The following SLC35F4 variants were observed in gnomAD, a reference collection of about 807,000 sequenced individuals.
The protein encoded by SLC35F4 is chromosome 14 open reading frame 36.
Under a neutral mutation model 44.2 loss-of-function variants are expected in SLC35F4, and 24 were observed. The observed-to-expected ratio is 0.54, with a 90% CI of 0.39 to 0.76. The LOEUF is 0.76. Among genes scored for constraint, SLC35F4 ranks in the 30% least tolerant of loss-of-function variants. SLC35F4 has a pLI of 0.00. For missense variants in SLC35F4, 562 were observed against 586.1 expected (o/e 0.96, Z 0.42); for synonymous variants, 238 against 223.6 (o/e 1.06, Z -0.57).
intron 1 of SLC35F4, among the ~76,000 whole-genome samples, chr14:57,786,473 G>T (rs1020054613): frequency 4.6e-5 from 7 of 152,116 alleles, no homozygotes; most frequent in Non-Finnish European, 7.3e-5. Context: ...CACAAAAACC[G>T]AGCATTAAAC....
chr14:57,901,689 A>G (rs953171472), intron 1 of SLC35F4, among the ~76,000 whole-genome samples: 1 of 152,190 alleles, frequency 6.6e-6, no homozygotes, highest in Non-Finnish European at 1.5e-5. Context: ...GAAGAAAAAT[A>G]AATAAAATGT....
At chr14:57,948,784 T>C (rs1890082903) in intron 1 of SLC35F4, among the ~76,000 whole-genome samples, 2 of 152,320 alleles carry the variant, frequency 1.3e-5, no homozygotes, top group South Asian at 2.1e-4. Context: ...GTTGATTTCA[T>C]TGTTGACCCA....
rs562193275 is a variant in SLC35F4, at chr14:57,831,376, C to A, written c.103+34347G>T. ...TGAGAAATAAATGTCAATGTTTAAG[C>A]CACAGAATCTTTGGTATTTTGTGAT... is the stretch of plus-strand genomic sequence containing the variant. On this transcript the variant is annotated intron_variant, in intron 1 of 7. Transcript: ENST00000556826. Among the ~76,000 whole-genome samples the A allele has an allele frequency of 1.4e-4, 21 of 150,214 alleles. No individual in the cohort carries two copies. In the South Asian group the frequency reaches 3.5e-3, roughly 25 times the overall value.
chr14:57,877,825 C>T (rs1041373168), intron 1 of SLC35F4, among the ~76,000 whole-genome samples: 7 of 151,734 alleles, frequency 4.6e-5, no homozygotes, highest in Admixed American at 4.6e-4. Context: ...GATGGGATTA[C>T]AGGCTTATGC....
intron 6 of SLC35F4, among the ~76,000 whole-genome samples, chr14:57,569,115 G>T (rs750502628): frequency 2.6e-5 from 4 of 152,030 alleles, no homozygotes; most frequent in Non-Finnish European, 4.4e-5. Context: ...CATTAACTAG[G>T]TACTGTCTAC....
chr14:57,564,951 A>G (rs145944650), intron 7 of SLC35F4, among the ~76,000 whole-genome samples: 227 of 152,144 alleles, frequency 1.5e-3, no homozygotes, highest in African/African-American at 5.2e-3. Flanking sequence ...TTTTCCCCCT[A>G]TAGATTTGCC....
At chr14:57,780,188 T>G (rs963460867) in intron 1 of SLC35F4, among the ~76,000 whole-genome samples, 1 of 152,114 alleles carries the variant, frequency 6.6e-6, no homozygotes, top group Non-Finnish European at 1.5e-5. Context: ...GAAAACCCCA[T>G]AGTCTTGGCC....
chr14:57,887,484 C>T (rs1888674116), intron 1 of SLC35F4, among the ~76,000 whole-genome samples: 1 of 152,174 alleles, frequency 6.6e-6, no homozygotes, highest in African/African-American at 2.4e-5. Flanking sequence ...GTGCTGTCTG[C>T]TAAGACTAAA....
chr14:57,573,823 C>T (rs565156752), intron 4 of SLC35F4, among the ~76,000 whole-genome samples: 86 of 152,256 alleles, frequency 5.6e-4, no homozygotes, highest in African/African-American at 1.9e-3. Flanking sequence ...ACTGAACTGA[C>T]GGGATAATAC....
In SLC35F4 at chr14:57,817,872, A is replaced by G. The variant is rs575290015; in HGVS notation, c.103+47851T>C. On this transcript the variant is annotated intron_variant, in intron 1 of 7. Coordinates refer to ENST00000556826, the MANE Select transcript of SLC35F4 (RefSeq NM_001306087.2). ...GCCTCTGAGAGGTGAGACTGTTAGA[A>G]AGGATTTAAGTGCTGCTGGAGAACT... Among the ~76,000 whole-genome samples, 6 of 152,230 alleles carry G rather than the reference A, an allele frequency of 3.9e-5. No individual in the cohort carries two copies. In the South Asian group the frequency reaches 1.0e-3, roughly 26 times the overall value.
chr14:57,594,846 A>T (rs1233106578), intron 1 of SLC35F4, among the ~76,000 whole-genome samples: 1 of 152,216 alleles, frequency 6.6e-6, no homozygotes, highest in Non-Finnish European at 1.5e-5. Context: ...GATGAAAATC[A>T]TCCACCAGCC....
At chr14:57,753,873 GAGGTATCTGTACC>G (rs2076939091) in intron 1 of SLC35F4, among the ~76,000 whole-genome samples, 1 of 152,032 alleles carries the variant, frequency 6.6e-6, no homozygotes, top group East Asian at 1.9e-4. Context: ...TCTAGGGTGG[GAGGTATCTGTACC>G]AGTTCTATAT....
chr14:57,944,337 C>G (rs1889969773), intron 1 of SLC35F4, among the ~76,000 whole-genome samples: 1 of 152,172 alleles, frequency 6.6e-6, no homozygotes, highest in African/African-American at 2.4e-5. Flanking sequence ...GATAACTCCT[C>G]CTACATTGAA....
intron 1 of SLC35F4, among the ~76,000 whole-genome samples, chr14:57,597,143 T>C (rs1172049689): frequency 6.6e-6 from 1 of 152,256 alleles, no homozygotes; most frequent in Non-Finnish European, 1.5e-5. Context: ...TTTTCTGTTT[T>C]GTATGCAACA....
At chr14:57,940,321 A>T (rs1354780816) in intron 1 of SLC35F4, among the ~76,000 whole-genome samples, 2 of 152,222 alleles carry the variant, frequency 1.3e-5, no homozygotes, top group East Asian at 3.9e-4. Context: ...TACAAAAAAA[A>T]GTATGCATTC....
intron 1 of SLC35F4, among the ~76,000 whole-genome samples, chr14:57,891,263 A>C (rs749243420): frequency 3.3e-5 from 5 of 152,210 alleles, no homozygotes; most frequent in Non-Finnish European, 5.9e-5. Context: ...CATTCAGTGA[A>C]ATTTCATTAA....
At chr14:57,736,431 T>C (rs1003810337) in intron 1 of SLC35F4, among the ~76,000 whole-genome samples, 1 of 152,216 alleles carries the variant, frequency 6.6e-6, no homozygotes, top group African/African-American at 2.4e-5. Context: ...GGAGGGCCTG[T>C]ATAGTAAAAT....
intron 1 of SLC35F4, among the ~76,000 whole-genome samples, chr14:57,828,542 T>A (rs1159431058): frequency 3.3e-5 from 5 of 152,226 alleles, no homozygotes; most frequent in Non-Finnish European, 1.5e-5. Context: ...GTAGTAGAAT[T>A]TCTTCACACA....
chr14:57,666,618 T>C (rs957755400), intron 1 of SLC35F4, among the ~76,000 whole-genome samples: 11 of 152,190 alleles, frequency 7.2e-5, no homozygotes, highest in African/African-American at 2.7e-4. Context: ...ATGTATGTTT[T>C]TTTAAGCCAC....
Sources: allele counts gnomAD v4.1 joint callset (sites outside exome capture counted in the v4.1 genomes callset), GRCh38; gene constraint gnomAD v4.1.1; transcripts MANE v1.5; gene names NCBI Gene and HGNC (gene_info 2026-07-23, HGNC 2026-07-21).